The following ACSM1 variants were observed in gnomAD, a reference collection of about 807,000 sequenced individuals.
ACSM1 encodes acyl-CoA synthetase medium chain family member 1.
ACSM1 carries 79 observed loss-of-function variants against 75.8 expected under a neutral mutation model. That is an observed-to-expected ratio of 1.04 (90% CI 0.87 to 1.26). The LOEUF is 1.26. ACSM1 is among the 50% of genes most tolerant of loss of function. ACSM1 has a pLI of 0.00. For synonymous variants in ACSM1, 279 were observed against 265.8 expected (o/e 1.05, Z -0.48); for missense variants, 676 against 720.1 (o/e 0.94, Z 0.70).
intron 7 of ACSM1, among the ~76,000 whole-genome samples, chr16:20,657,602 C>A (rs959047050): frequency 1.4e-5 from 2 of 144,834 alleles, no homozygotes; most frequent in African/African-American, 5.6e-5. Flanking sequence ...AGCCACTGTG[C>A]CCAATGTTTT....
chr16:20,626,367 A>AAAT (rs1555463627), intron 11 of ACSM1, among the ~76,000 whole-genome samples: 11 of 152,052 alleles, frequency 7.2e-5, no homozygotes, highest in African/African-American at 2.4e-4. Context: ...AAATAAAATA[A>AAAT]AAAATAAAAT....
chr16:20,684,399 C>A (rs947030998), intron 3 of ACSM1, among the ~76,000 whole-genome samples: 1 of 152,062 alleles, frequency 6.6e-6, no homozygotes, highest in African/African-American at 2.4e-5. Context: ...CTGTGAAAAC[C>A]ACCTTGCTTA....
At chr16:20,683,715 C>CT (rs139237980) in intron 3 of ACSM1, among the ~76,000 whole-genome samples, 3 of 136,310 alleles carry the variant, frequency 2.2e-5, no homozygotes, top group Admixed American at 7.7e-5. Context: ...CTCTCTCTCT[C>CT]TCTTTCTTTC....
In ACSM1 at chr16:20,688,230, G is replaced by T. The variant is rs1188634121; in HGVS notation, c.192+2767C>A. On this transcript the variant is annotated intron_variant, in intron 2 of 13. Coordinates refer to ENST00000520010, the MANE Select transcript of ACSM1 (RefSeq NM_001318890.3). ...AGAAAAAATCCATAAACATAGACAG[G>T]TCATTTAAAATTACTGAATCTGAGA... 3.3e-5 allele frequency among the ~76,000 whole-genome samples: 5 copies of T among 151,980 alleles called. No individual in the cohort carries two copies. In the East Asian group the frequency reaches 9.6e-4, roughly 29 times the overall value.
Position 20,690,975 on chromosome 16 carries a change from G to A in ACSM1, c.192+22C>T, listed in dbSNP as rs373295749. On this transcript the variant is annotated intron_variant, in intron 2 of 13. Coordinates refer to ENST00000520010, the MANE Select transcript of ACSM1 (RefSeq NM_001318890.3). ...GTGAGGCCACCCTTGTTCTTATATC[G>A]CCATCACGGCAGATCTCTTACCTTC... The A allele has an allele frequency of 1.5e-5, 24 of 1,594,012 alleles. No individual in the cohort carries two copies. In the Admixed American group the frequency reaches 3.3e-4, roughly 22 times the overall value.
chr16:20,635,538 C>T (rs1166508037), intron 10 of ACSM1, among the ~76,000 whole-genome samples: 1 of 152,072 alleles, frequency 6.6e-6, no homozygotes, highest in African/African-American at 2.4e-5. Flanking sequence ...GATGCCTGGA[C>T]ATTATATAAA....
chr16:20,668,580 A>G (rs551081995), intron 6 of ACSM1, among the ~76,000 whole-genome samples: 1 of 152,320 alleles, frequency 6.6e-6, no homozygotes, highest in South Asian at 2.1e-4. Flanking sequence ...ATGTTTTGCT[A>G]GCCTGGGAGA....
intron 4 of ACSM1, among the ~76,000 whole-genome samples, chr16:20,676,344 C>G (rs796473392): frequency 6.6e-6 from 1 of 152,110 alleles, no homozygotes; most frequent in Admixed American, 6.6e-5. Flanking sequence ...AAAAAGGCAA[C>G]CAATATAAAA....
At position 20,691,066 on chromosome 16, in the gene ACSM1, A is replaced by C. The variant is rs2079644812; in HGVS notation, c.123T>G (p.Asn41Lys). Residue 41 changes from asparagine (N) to lysine (K), a missense_variant, in exon 2 of 14, where the codon AAT (asparagine) becomes AAG (lysine). Coordinates refer to ENST00000520010, the MANE Select transcript of ACSM1 (RefSeq NM_001318890.3). ...TAAATTCCTCCGGTACTTCATAGTCATTCCATCTTGGGGCTCCAAATTCTG... is the reference window on the plus strand; with the variant it reads ...TAAATTCCTCCGGTACTTCATAGTCCTTCCATCTTGGGGCTCCAAATTCTG... ...SLSEFGAPRWNDYEVPEEFNF... is the reference protein window; with the variant it reads ...SLSEFGAPRWKDYEVPEEFNF... 1 of 1,613,694 alleles carries C rather than the reference A, an allele frequency of 6.2e-7. No individual in the cohort carries two copies. The highest frequency in any genetic ancestry group is 8.5e-7 in the Non-Finnish European group (1 of 1,179,868).
intron 7 of ACSM1, among the ~76,000 whole-genome samples, chr16:20,652,623 AC>A: frequency 6.6e-6 from 1 of 152,200 alleles, no homozygotes; most frequent in East Asian, 1.9e-4. Context: ...TACTATAAAC[AC>A]CTCTACACAA....
At chr16:20,637,299 G>T in intron 9 of ACSM1, 72 bp downstream of exon 9, 2 of 1,209,750 alleles carry the variant, frequency 1.7e-6, no homozygotes, top group Non-Finnish European at 2.5e-6. Context: ...GGCTGGTGTT[G>T]TCACCTGGTG....
chr16:20,637,585 G>A (rs547011442), intron 8 of ACSM1, 134 bp from the exon 9 acceptor site: 14 of 793,210 alleles, frequency 1.8e-5, no homozygotes, highest in African/African-American at 6.7e-5. Flanking sequence ...AAGAGCCCTC[G>A]TAGGGAAGCT....
At chr16:20,636,210 G>A (rs1388951307) in intron 10 of ACSM1, among the ~76,000 whole-genome samples, 2 of 152,176 alleles carry the variant, frequency 1.3e-5, no homozygotes, top group Admixed American at 1.3e-4. Context: ...CCTATCCTGG[G>A]AGGGCCATTG....
intron 6 of ACSM1, among the ~76,000 whole-genome samples, chr16:20,664,353 T>C (rs1398496612): frequency 6.6e-6 from 1 of 152,054 alleles, no homozygotes; most frequent in Non-Finnish European, 1.5e-5. Flanking sequence ...CAGGAGTCCT[T>C]ATTCTTATAT....
In ACSM1 at chr16:20,636,808, A is replaced by T; in HGVS notation, c.1230T>A (p.Pro410=). 1 of 1,613,990 alleles carries T rather than the reference A, an allele frequency of 6.2e-7. No individual in the cohort carries two copies. Among genetic ancestry groups the T allele is most frequent in the South Asian group, 1.1e-5 (1 of 91,066 alleles). Residue 410 remains proline, a synonymous_variant, in exon 10 of 14, where the codon CCT becomes CCA. Transcript: ENST00000520010. Reference sequence around the variant, plus strand: ...TGATGCCAATGTTTCCTTCTGTGTTAGGTGGCAGGATGCTGCCCTTGTCAT... The same window carrying T: ...TGATGCCAATGTTTCCTTCTGTGTTTGGTGGCAGGATGCTGCCCTTGTCAT... ...VIDDKGSILP[P]NTEGNIGIRI...
chr16:20,681,242 A>G (rs1012806456), intron 4 of ACSM1: 15 of 152,228 alleles, frequency 9.9e-5, no homozygotes, highest in South Asian at 4.1e-4. Context: ...ACAAATGAGA[A>G]ATGCTATATA....
chr16:20,632,994 C>T (rs2017438687), intron 10 of ACSM1, among the ~76,000 whole-genome samples: 1 of 152,120 alleles, frequency 6.6e-6, no homozygotes, highest in Non-Finnish European at 1.5e-5. Context: ...GGTAAAAACA[C>T]TAAATAAACT....
intron 10 of ACSM1, among the ~76,000 whole-genome samples, chr16:20,630,339 G>A (rs151330): frequency 0.28 from 42,082 of 151,690 alleles, 6,863 homozygotes; most frequent in African/African-American, 0.44. Context: ...CACCTGCCTC[G>A]GCCTCCCAAA....
chr16:20,636,977 T>A lies in ACSM1; in HGVS notation c.1198-137A>T, dbSNP rs965002427. On this transcript the variant is annotated intron_variant, in intron 9 of 13. Transcript: ENST00000520010. ...GAAACATCAGAAAATGGAATAAAAC[T>A]GTCAAAAGCCTTTAAAATACGCAAA... The A allele has an allele frequency of 1.1e-5, 8 of 704,866 alleles. No individual in the cohort carries two copies. In the African/African-American group the frequency reaches 1.4e-4, roughly 12 times the overall value. The allele number at this position is 704,866 out of a possible 1,614,324, so 43.7% of individuals were successfully genotyped here.
Sources: allele counts gnomAD v4.1 joint callset (sites outside exome capture counted in the v4.1 genomes callset), GRCh38; gene constraint gnomAD v4.1.1; transcripts MANE v1.5; gene names NCBI Gene and HGNC (gene_info 2026-07-23, HGNC 2026-07-21).